DENND1A: variants seen among roughly 807,000 people sequenced by gnomAD.
DENND1A encodes the protein DENN domain containing 1A, also known as DENN domain-containing protein 1A.
A neutral mutation model predicts 113.7 loss-of-function variants in DENND1A; 51 were observed. The ratio of observed to expected loss-of-function variants is 0.45; its 90% CI spans 0.36 to 0.57. DENND1A has a LOEUF of 0.57. Ranked by LOEUF, DENND1A falls within the 20% of genes least tolerant of loss-of-function variation. DENND1A has a pLI of 0.00. For missense variants in DENND1A, 1,258 were observed against 1,395.9 expected (o/e 0.90, Z 1.57); for synonymous variants, 565 against 570.8 (o/e 0.99, Z 0.14).
intron 4 of DENND1A, among the ~76,000 whole-genome samples, chr9:123,758,465 T>C (rs1055090005): frequency 1.3e-5 from 2 of 152,182 alleles, no homozygotes; most frequent in African/African-American, 4.8e-5. Flanking sequence ...AGTAACTGAA[T>C]CACGTTCACA....
chr9:123,464,536 A>T (rs995765359), intron 13 of DENND1A, among the ~76,000 whole-genome samples: 1 of 152,208 alleles, frequency 6.6e-6, no homozygotes, highest in Non-Finnish European at 1.5e-5. Context: ...AGGGTAGTCA[A>T]ACTCACAGAG....
intron 2 of DENND1A, among the ~76,000 whole-genome samples, chr9:123,866,781 C>A (rs139186253): frequency 6.6e-6 from 1 of 152,302 alleles, no homozygotes; most frequent in East Asian, 1.9e-4. Flanking sequence ...CCCACTTAAA[C>A]AATGGGCAAA....
intron 10 of DENND1A, 42 bp from the exon 11 acceptor site, chr9:123,609,523 T>C: frequency 6.2e-7 from 1 of 1,600,736 alleles, no homozygotes; most frequent in Non-Finnish European, 8.5e-7. Flanking sequence ...TTAATGTCTG[T>C]TGCTTCTGAC....
chr9:123,452,033 C>CAAAA (rs10653405), intron 17 of DENND1A, among the ~76,000 whole-genome samples: 10 of 134,890 alleles, frequency 7.4e-5, no homozygotes, highest in Middle Eastern at 4.0e-3. Flanking sequence ...CCTGTCTCTC[C>CAAAA]AAAAAAAAAA....
intron 13 of DENND1A, among the ~76,000 whole-genome samples, chr9:123,556,642 C>T (rs150196204): frequency 6.6e-6 from 1 of 152,224 alleles, no homozygotes; most frequent in African/African-American, 2.4e-5. Context: ...CTGATTCTGA[C>T]TCCGACTAGG....
chr9:123,752,015 T>G (rs914755685), intron 5 of DENND1A: 19 of 152,026 alleles, frequency 1.2e-4, no homozygotes, highest in African/African-American at 4.6e-4. Flanking sequence ...CCTAAAAGAG[T>G]GAGGGTAGCA....
chr9:123,524,988 T>C (rs74451394), intron 13 of DENND1A, among the ~76,000 whole-genome samples: 1,730 of 152,338 alleles, frequency 0.011, 35 homozygotes, highest in African/African-American at 0.039. Flanking sequence ...AGGGAGTAGA[T>C]AGGCACTGCA....
At chr9:123,522,751 T>G (rs1425603968) in intron 13 of DENND1A, among the ~76,000 whole-genome samples, 2 of 152,140 alleles carry the variant, frequency 1.3e-5, no homozygotes, top group Admixed American at 6.5e-5. Context: ...GATGAAAATA[T>G]CACTTAATTC....
chr9:123,914,001 A>C (rs1854589377), intron 1 of DENND1A, among the ~76,000 whole-genome samples: 1 of 151,916 alleles, frequency 6.6e-6, no homozygotes, highest in African/African-American at 2.4e-5. Context: ...GTCAGGTCCG[A>C]GAACTATACC....
intron 1 of DENND1A, among the ~76,000 whole-genome samples, chr9:123,884,244 G>A (rs1024503556): frequency 6.6e-6 from 1 of 152,008 alleles, no homozygotes; most frequent in Non-Finnish European, 1.5e-5. Flanking sequence ...TCTTCAAGAT[G>A]TTTAATATTT....
chr9:123,428,750 C>T (rs537571740), intron 19 of DENND1A, among the ~76,000 whole-genome samples: 24 of 152,084 alleles, frequency 1.6e-4, no homozygotes, highest in Admixed American at 7.9e-4. Flanking sequence ...CATTCCTATA[C>T]ACAAAGCAGA....
chr9:123,501,639 G>C (rs1410137628), intron 13 of DENND1A, among the ~76,000 whole-genome samples: 1 of 152,226 alleles, frequency 6.6e-6, no homozygotes, highest in Non-Finnish European at 1.5e-5. Context: ...TGAATTGAAA[G>C]ATGCAAAGTA....
chr9:123,448,135 C>G (rs1321335450), intron 18 of DENND1A, among the ~76,000 whole-genome samples: 3 of 152,172 alleles, frequency 2.0e-5, no homozygotes, highest in African/African-American at 4.8e-5. Context: ...AGAACATTAT[C>G]TCCTGAAGCT....
At chr9:123,878,244 G>C (rs1363195596) in intron 2 of DENND1A, among the ~76,000 whole-genome samples, 1 of 151,704 alleles carries the variant, frequency 6.6e-6, no homozygotes, top group East Asian at 1.9e-4. Context: ...AGGTGTTTTT[G>C]TGGGTGGACC....
intron 12 of DENND1A, among the ~76,000 whole-genome samples, chr9:123,566,913 C>CCACACACACACACACACACACACA (rs59984497): frequency 4.7e-5 from 7 of 147,436 alleles, no homozygotes; most frequent in Non-Finnish European, 7.5e-5. Flanking sequence ...CTTTAACACA[C>CCACACACACACACACACACACACA]CACACACACA....
chr9:123,920,472 C>G (rs1856035159), intron 1 of DENND1A, among the ~76,000 whole-genome samples: 1 of 152,102 alleles, frequency 6.6e-6, no homozygotes, highest in Non-Finnish European at 1.5e-5. Context: ...AAAAGTAGTA[C>G]CAGTTAAACA....
intron 1 of DENND1A, among the ~76,000 whole-genome samples, chr9:123,897,797 G>C (rs1443641815): frequency 6.6e-6 from 1 of 151,940 alleles, no homozygotes; most frequent in Non-Finnish European, 1.5e-5. Flanking sequence ...GCAAGACCCA[G>C]TCTCCACCAA....
chr9:123,554,631 G>A (rs983101740), intron 13 of DENND1A, among the ~76,000 whole-genome samples: 1 of 152,226 alleles, frequency 6.6e-6, no homozygotes, highest in African/African-American at 2.4e-5. Flanking sequence ...CCTTATGGAA[G>A]AAAGCCATTG....
At chr9:123,634,810 G>C (rs2061629349) in intron 9 of DENND1A, among the ~76,000 whole-genome samples, 1 of 152,186 alleles carries the variant, frequency 6.6e-6, no homozygotes, top group Admixed American at 6.5e-5. Context: ...TGAAGCAGCT[G>C]AATAGCCTAA....
Sources: gnomAD v4.1 joint callset for allele counts (sites outside exome capture counted in the v4.1 genomes callset) on GRCh38, gnomAD v4.1.1 for gene constraint, MANE v1.5 for transcripts, NCBI Gene and HGNC (gene_info 2026-07-23, HGNC 2026-07-21) for gene names.